The following PRLR variants were observed in gnomAD, a reference collection of about 807,000 sequenced individuals.
The protein encoded by PRLR is prolactin receptor, also known as hPRL receptor.
Under a neutral mutation model 40.2 loss-of-function variants are expected in PRLR, and 13 were observed. The observed-to-expected ratio is 0.32, with a 90% confidence interval of 0.21 to 0.51. The LOEUF (loss-of-function observed/expected upper bound fraction) is 0.51, where lower values mean the gene tolerates loss of function less well. PRLR is among the 20% of genes least tolerant of loss of function. The pLI is 0.97. For synonymous variants in PRLR, 269 were observed against 278.7 expected, an observed-to-expected ratio of 0.97 and a Z score of 0.35; for missense variants, 656 against 747.3, an observed-to-expected ratio of 0.88 and a Z score of 1.42.
chr5:35,083,583 G>A (rs1229257282), intron 5 of PRLR, among the ~76,000 whole-genome samples: 1 of 149,408 alleles, frequency 6.7e-6, no homozygotes, highest in Non-Finnish European at 1.5e-5. Flanking sequence ...GCAGTGGCAT[G>A]ATCTTGGCTC....
chr5:35,148,919 T>C (rs1774262271), intron 1 of PRLR, among the ~76,000 whole-genome samples: 1 of 151,944 alleles, frequency 6.6e-6, no homozygotes, highest in Non-Finnish European at 1.5e-5. Flanking sequence ...TATATATAGA[T>C]ACAGAATTTT....
chr5:35,168,441 C>A (rs1774905825), intron 1 of PRLR, among the ~76,000 whole-genome samples: 1 of 151,786 alleles, frequency 6.6e-6, no homozygotes, highest in African/African-American at 2.4e-5. Flanking sequence ...TCACCAAGGC[C>A]ATATCCTGAA....
intron 5 of PRLR, among the ~76,000 whole-genome samples, chr5:35,083,798 G>A (rs528017011): frequency 5.2e-5 from 7 of 135,208 alleles, no homozygotes; most frequent in South Asian, 2.5e-4. Context: ...CATTACAGGC[G>A]TGAGGCACCG....
intron 1 of PRLR, among the ~76,000 whole-genome samples, chr5:35,184,046 A>T (rs1181317921): frequency 6.6e-6 from 1 of 152,210 alleles, no homozygotes; most frequent in Non-Finnish European, 1.5e-5. Flanking sequence ...AGGCATCAGA[A>T]AGTTTGCCCT....
At chr5:35,151,954 C>T (rs867290704) in intron 1 of PRLR, among the ~76,000 whole-genome samples, 5 of 152,076 alleles carry the variant, frequency 3.3e-5, no homozygotes, top group Admixed American at 1.3e-4. Context: ...ACTAGTTGAC[C>T]GGAACAAACA....
intron 1 of PRLR, among the ~76,000 whole-genome samples, chr5:35,164,967 T>C (rs769756657): frequency 3.3e-5 from 5 of 152,226 alleles, no homozygotes; most frequent in Admixed American, 6.5e-5. Context: ...GTGTTGAGGA[T>C]GGTCCACTTA....
intron 1 of PRLR, among the ~76,000 whole-genome samples, chr5:35,147,227 T>C (rs921701210): frequency 6.6e-6 from 1 of 152,202 alleles, no homozygotes; most frequent in Non-Finnish European, 1.5e-5. Flanking sequence ...TGAGGCCAGT[T>C]ACTGTACCAC....
chr5:35,085,660 T>C (rs1298462969), intron 4 of PRLR, among the ~76,000 whole-genome samples: 1 of 152,174 alleles, frequency 6.6e-6, no homozygotes, highest in African/African-American at 2.4e-5. Context: ...TTGTCAAGGA[T>C]TGTATGGTAC....
chr5:35,067,410 G>A (rs1769446182), intron 9 of PRLR, among the ~76,000 whole-genome samples: 1 of 152,128 alleles, frequency 6.6e-6, no homozygotes, highest in Non-Finnish European at 1.5e-5. Flanking sequence ...AGTGGAGGAA[G>A]AGCACTGGGT....
intron 2 of PRLR, among the ~76,000 whole-genome samples, chr5:35,109,006 T>C (rs1429695394): frequency 6.6e-6 from 1 of 152,180 alleles, no homozygotes; most frequent in Admixed American, 6.5e-5. Flanking sequence ...ATGGTACTAG[T>C]ACCAAAACAG....
At chr5:35,135,624 C>G (rs773292583) in intron 1 of PRLR, among the ~76,000 whole-genome samples, 1 of 152,192 alleles carries the variant, frequency 6.6e-6, no homozygotes, top group Non-Finnish European at 1.5e-5. Context: ...GTTTGCCACA[C>G]CCTGGAGTTT....
chr5:35,220,037 C>T (rs1389648240), intron 1 of PRLR, among the ~76,000 whole-genome samples: 2 of 152,134 alleles, frequency 1.3e-5, no homozygotes, highest in Non-Finnish European at 2.9e-5. Flanking sequence ...GCATGATCCA[C>T]CCTCCCCTCT....
intron 3 of PRLR, among the ~76,000 whole-genome samples, chr5:35,087,443 T>TGTGTGC (rs946490446): frequency 2.6e-5 from 4 of 151,556 alleles, no homozygotes; most frequent in African/African-American, 9.7e-5. Context: ...TGTGTGTGTG[T>TGTGTGC]GTGTGTGTGT....
chr5:35,136,811 T>C (rs1166063984), intron 1 of PRLR, among the ~76,000 whole-genome samples: 3 of 152,172 alleles, frequency 2.0e-5, no homozygotes, highest in Non-Finnish European at 2.9e-5. Context: ...CATAGATTGC[T>C]AAGCTCCACC....
At chr5:35,215,772 A>G (rs1004923772) in intron 1 of PRLR, among the ~76,000 whole-genome samples, 2 of 151,116 alleles carry the variant, frequency 1.3e-5, no homozygotes, top group African/African-American at 2.4e-5. Flanking sequence ...ACGGTGGCGC[A>G]TGCCTGTAAT....
intron 9 of PRLR, 125 bp from the exon 10 acceptor site, chr5:35,066,227 G>T: frequency 2.1e-6 from 2 of 967,092 alleles, no homozygotes; most frequent in Non-Finnish European, 3.0e-6. Context: ...TCAGACATTT[G>T]TGTGCCAGGC....
At chr5:35,157,014 AG>A (rs1774529105) in intron 1 of PRLR, among the ~76,000 whole-genome samples, 1 of 152,018 alleles carries the variant, frequency 6.6e-6, no homozygotes, top group Admixed American at 6.5e-5. Context: ...CTCATGGTCC[AG>A]AGCTTGAAAC....
intron 1 of PRLR, among the ~76,000 whole-genome samples, chr5:35,123,824 A>C (rs952668074): frequency 5.3e-5 from 8 of 151,976 alleles, no homozygotes; most frequent in African/African-American, 1.9e-4. Flanking sequence ...CTACCCTCCC[A>C]CCCCCATCAG....
intron 1 of PRLR, among the ~76,000 whole-genome samples, chr5:35,215,596 C>G (rs1285561897): frequency 6.6e-6 from 1 of 152,190 alleles, no homozygotes; most frequent in Non-Finnish European, 1.5e-5. Context: ...ACTTGCTCCA[C>G]AGCTTCACTC....
Sources: allele counts gnomAD v4.1 joint callset (sites outside exome capture counted in the v4.1 genomes callset), GRCh38; gene constraint gnomAD v4.1.1; transcripts MANE v1.5; gene names NCBI Gene and HGNC (gene_info 2026-07-23, HGNC 2026-07-21).